Variants in DHX36 observed in about 807,000 individuals in gnomAD.
DHX36 encodes the protein ATP-dependent DNA/RNA helicase DHX36.
DHX36 carries 50 observed loss-of-function variants against 139.0 expected under a neutral mutation model. The ratio of observed to expected loss-of-function variants is 0.36; its 90% confidence interval spans 0.29 to 0.46. The LOEUF is 0.46. Ranked by LOEUF, DHX36 falls within the 20% of genes least tolerant of loss-of-function variation. The pLI, the probability that DHX36 is intolerant of heterozygous loss-of-function variation, is 1.00. For synonymous variants in DHX36, 425 were observed against 401.9 expected (o/e 1.06, Z -0.69); for missense variants, 1,024 against 1,211.3 (o/e 0.85, Z 2.29).
rs1354573018 is a variant in DHX36, at chr3:154,300,678, T to A, written c.1377A>T (p.Val459=). The A allele has an allele frequency of 1.9e-6, 3 of 1,612,938 alleles. No individual in the cohort carries two copies. In the South Asian group the frequency reaches 3.3e-5, roughly 18 times the overall value. Residue 459 remains valine (V), a synonymous_variant, in exon 11 of 25, where the codon GTA becomes GTT. Transcript: ENST00000496811. The part of the protein sequence containing the change: ...ELRRRYSAST[V]DVIEMMEDDK... ...CATCCTCCATCATTTCTATAACATC[T>A]ACAGTACTTGCAGAATACCTATCAA...
chr3:154,296,635 A>G (rs1409247292), intron 12 of DHX36, among the ~76,000 whole-genome samples: 2 of 152,342 alleles, frequency 1.3e-5, no homozygotes, highest in East Asian at 3.9e-4. Context: ...GGTGTAATAC[A>G]GTGATGGGTG....
chr3:154,289,311 A>T (rs1011512578), intron 16 of DHX36, among the ~76,000 whole-genome samples: 1 of 152,244 alleles, frequency 6.6e-6, no homozygotes, highest in Non-Finnish European at 1.5e-5. Flanking sequence ...ATCAAAAGAC[A>T]CAAGATACTG....
In DHX36 at chr3:154,306,266, T is replaced by G. The variant is rs765898001; in HGVS notation, c.843A>C (p.Ala281=). 1 of 1,613,742 alleles carries G rather than the reference T, an allele frequency of 6.2e-7. No homozygotes were observed. Among genetic ancestry groups the G allele is most frequent in the Admixed American group, 1.7e-5 (1 of 60,016 alleles). Reference sequence around the variant, plus strand: ...TACTATTACCACTGCCACAAGATTCTGCCCTTTCTGCAGCTACTCTTTCCG... The same window carrying G: ...TACTATTACCACTGCCACAAGATTCGGCCCTTTCTGCAGCTACTCTTTCCG... ...SVAERVAAER[A]ESCGSGNSTG... Residue 281 remains alanine, a synonymous_variant, in exon 6 of 25, where the codon GCA becomes GCC. Transcript: ENST00000496811.
chr3:154,277,002 T>C (rs781520161), intron 23 of DHX36, 103 bp from the exon 24 acceptor site: 150 of 968,638 alleles, frequency 1.5e-4, no homozygotes, highest in Non-Finnish European at 2.1e-4. Flanking sequence ...ATCTTCCTTC[T>C]AAAATATTAA....
chr3:154,315,953 C>T lies in DHX36; in HGVS notation c.368+86G>A, dbSNP rs941611702. 14 of 1,439,364 alleles carry T rather than the reference C, an allele frequency of 9.7e-6. No individual in the cohort carries two copies. In the African/African-American group the frequency reaches 1.9e-4, roughly 19 times the overall value. 89.2% of individuals were successfully genotyped at this position (1,439,364 alleles called of 1,614,324 possible). ...AAAAAAGTACGTAAAGGTTAAAATTCACTTATCGAAGAAAATAAAGATGTT... is the reference window on the plus strand; with the variant it reads ...AAAAAAGTACGTAAAGGTTAAAATTTACTTATCGAAGAAAATAAAGATGTT... On this transcript the variant is annotated intron_variant, in intron 2 of 24. Coordinates refer to ENST00000496811, the MANE Select transcript of DHX36 (RefSeq NM_020865.3).
intron 22 of DHX36, chr3:154,279,066 C>G (rs1719249681): frequency 6.6e-6 from 1 of 152,298 alleles, no homozygotes; most frequent in South Asian, 2.1e-4. Flanking sequence ...CAACCTCCAC[C>G]TCCTGGGCTC....
Position 154,324,122 on chromosome 3 carries a change from GAGA to G in DHX36, c.243+49_243+51del. On this transcript the variant is annotated intron_variant, in intron 1 of 24. Transcript: ENST00000496811. ...CCAAGAAAAAGGGGGCAGCGGGAGA[GAGA>G]AGAAAACCTGTGCTGCCTCATCCTC... 2.6e-6 allele frequency: 4 copies of G among 1,526,122 alleles called. 1 individual carries two copies. In the South Asian group the frequency reaches 3.7e-5, roughly 14 times the overall value. 94.5% of individuals were successfully genotyped at this position (1,526,122 alleles called of 1,614,324 possible). A position where few individuals can be genotyped will look rare whatever the true frequency, so the allele number is the denominator to read the frequency against.
chr3:154,305,635 T>A (rs1576874334), intron 6 of DHX36, among the ~76,000 whole-genome samples: 1 of 152,108 alleles, frequency 6.6e-6, no homozygotes, highest in African/African-American at 2.4e-5. Context: ...GTTGTGGTGG[T>A]GTCCGCCGGT....
chr3:154,309,394 T>A (rs1054854873), intron 5 of DHX36, among the ~76,000 whole-genome samples: 2 of 152,198 alleles, frequency 1.3e-5, no homozygotes, highest in Non-Finnish European at 2.9e-5. Flanking sequence ...AAATATTTTA[T>A]CTATTTCATT....
intron 4 of DHX36, among the ~76,000 whole-genome samples, chr3:154,310,393 T>C (rs1712683742): frequency 6.6e-6 from 1 of 152,108 alleles, no homozygotes; most frequent in South Asian, 2.1e-4. Flanking sequence ...ATAATAATAT[T>C]CACTGTATAA....
rs552212746 is a variant in DHX36, at chr3:154,324,480, G to A, written c.-64C>T. On this transcript the variant is annotated 5_prime_UTR_variant, in exon 1 of 25. Coordinates refer to ENST00000496811, the MANE Select transcript of DHX36 (RefSeq NM_020865.3). The stretch of plus-strand genomic sequence containing the variant: ...CTGGAAATGGCGTCCGGGCCCGGAA[G>A]CCACTGTGCGCCCACTTCCGTTTTG... 9.3e-5 allele frequency: 133 copies of A among 1,431,554 alleles called. No individual in the cohort carries two copies. The highest frequency in any genetic ancestry group is 4.6e-4 in the African/African-American group (32 of 70,010). The allele number at this position is 1,431,554 out of a possible 1,614,324, so 88.7% of individuals were successfully genotyped here.
chr3:154,283,950 G>C (rs1445668106), intron 19 of DHX36, among the ~76,000 whole-genome samples: 1 of 152,046 alleles, frequency 6.6e-6, no homozygotes, highest in East Asian at 1.9e-4. Context: ...TGAATAGAAA[G>C]AGACTGTCAT....
intron 5 of DHX36, among the ~76,000 whole-genome samples, chr3:154,308,193 T>C (rs1300496928): frequency 6.6e-6 from 1 of 152,304 alleles, no homozygotes; most frequent in Non-Finnish European, 1.5e-5. Context: ...GTAACAAAAT[T>C]GCACTTGTAT....
chr3:154,306,275 T>TGCAGCTACTCTTTCC lies in DHX36; in HGVS notation c.819_833dup (p.Val276_Arg280dup). 6.2e-7 allele frequency: 1 copy of TGCAGCTACTCTTTCC among 1,613,628 alleles called. No homozygotes were observed. Among genetic ancestry groups the TGCAGCTACTCTTTCC allele is most frequent in the Non-Finnish European group, 8.5e-7 (1 of 1,179,778 alleles). On this transcript the variant is annotated inframe_insertion, in exon 6 of 25. Coordinates refer to ENST00000496811, the MANE Select transcript of DHX36 (RefSeq NM_020865.3). ...CACTGCCACAAGATTCTGCCCTTTCTGCAGCTACTCTTTCCGCAACCTTTA... is the reference window on the plus strand; with the variant it reads ...CACTGCCACAAGATTCTGCCCTTTCTGCAGCTACTCTTTCCGCAGCTACTCTTTCCGCAACCTTTA...
rs1712928835 is a variant in DHX36, at chr3:154,315,251, G to A, written c.398C>T (p.Thr133Ile). The A allele has an allele frequency of 6.2e-7, 1 of 1,612,470 alleles. No homozygotes were observed. Among genetic ancestry groups the A allele is most frequent in the South Asian group, 1.1e-5 (1 of 90,750 alleles). The change falls in exon 3 of 25, where the codon ACA becomes ATA. Residue 133 changes from threonine (T) to isoleucine (I), a missense_variant. Around this residue, in one of 4 missense-constraint regions of DHX36, gnomAD observed 293 missense variants for 274.4 expected, o/e 1.07. Coordinates refer to ENST00000496811, the MANE Select transcript of DHX36 (RefSeq NM_020865.3). ...GYGTEVSTKNTPCSENKLDIQ... is the reference protein window; with the variant it reads ...GYGTEVSTKNIPCSENKLDIQ... ...GTCAAGTTTGTTCTCTGAGCATGGT[G>A]TGTTCTTAGTAGAAACTTCAGTACC...
At chr3:154,284,372 G>C (rs772055981) in intron 19 of DHX36, among the ~76,000 whole-genome samples, 1 of 151,702 alleles carries the variant, frequency 6.6e-6, no homozygotes, top group Non-Finnish European at 1.5e-5. Flanking sequence ...GTAGAGACAG[G>C]GTTTCGCCAT....
intron 1 of DHX36, among the ~76,000 whole-genome samples, chr3:154,321,381 C>G (rs1713178770): frequency 6.6e-6 from 1 of 152,194 alleles, no homozygotes; most frequent in Admixed American, 6.5e-5. Context: ...CCCCAAACTT[C>G]AAACACACAC....
intron 4 of DHX36, among the ~76,000 whole-genome samples, chr3:154,310,505 G>T (rs9820619): frequency 0.72 from 108,143 of 151,118 alleles, 39,146 homozygotes; most frequent in South Asian, 0.8. Flanking sequence ...CACTTAGGCC[G>T]GGCATGGTGG....
chr3:154,281,492 T>A (rs1396246794), intron 20 of DHX36, among the ~76,000 whole-genome samples: 1 of 152,028 alleles, frequency 6.6e-6, no homozygotes, highest in Admixed American at 6.5e-5. Flanking sequence ...TAAGTATATA[T>A]ACTGATAGAA....
Sources: allele counts gnomAD v4.1 joint callset (sites outside exome capture counted in the v4.1 genomes callset), GRCh38; gene constraint gnomAD v4.1.1; regional missense constraint gnomAD v4.1.1; transcripts MANE v1.5; gene names NCBI Gene and HGNC (gene_info 2026-07-23, HGNC 2026-07-21).